The following CAMK2D variants were observed in gnomAD, a reference collection of about 807,000 sequenced individuals.
The protein encoded by CAMK2D is calcium/calmodulin dependent protein kinase II delta.
Under a neutral mutation model 84.0 loss-of-function variants are expected in CAMK2D, and 37 were observed. That is an observed-to-expected ratio of 0.44 (90% CI 0.34 to 0.58). The LOEUF (loss-of-function observed/expected upper bound fraction) is 0.58. CAMK2D is among the 20% of genes least tolerant of loss of function. The pLI, the probability that CAMK2D is intolerant of heterozygous loss-of-function variation, is 0.02. For synonymous variants in CAMK2D, 202 were observed against 212.5 expected (o/e 0.95, Z 0.43); for missense variants, 448 against 652.5 (o/e 0.69, Z 3.41).
chr4:113,708,533 T>C (rs1347155417), intron 2 of CAMK2D, among the ~76,000 whole-genome samples: 1 of 152,186 alleles, frequency 6.6e-6, no homozygotes, highest in Admixed American at 6.5e-5. Flanking sequence ...GATGCTACAG[T>C]AAAATTATTC....
chr4:113,757,849 T>C (rs922704821), intron 2 of CAMK2D, among the ~76,000 whole-genome samples: 5 of 152,044 alleles, frequency 3.3e-5, no homozygotes, highest in Non-Finnish European at 7.4e-5. Flanking sequence ...GTTATTCTGA[T>C]TTAGGGAGGA....
intron 16 of CAMK2D, among the ~76,000 whole-genome samples, chr4:113,492,697 T>C (rs987416777): frequency 2.0e-5 from 3 of 149,662 alleles, no homozygotes; most frequent in Non-Finnish European, 4.4e-5. Context: ...TGGTTATCCT[T>C]GTTGACTTTC....
At chr4:113,751,171 A>AG (rs1370035777) in intron 2 of CAMK2D, among the ~76,000 whole-genome samples, 1 of 152,194 alleles carries the variant, frequency 6.6e-6, no homozygotes, top group African/African-American at 2.4e-5. Flanking sequence ...CCATTCACAG[A>AG]GGGGGAAAGT....
In CAMK2D at chr4:113,661,775, G is replaced by GA; in HGVS notation, c.161-4_161-3insT. 1 of 1,415,188 alleles carries GA rather than the reference G, an allele frequency of 7.1e-7. No individual in the cohort carries two copies. The highest frequency in any genetic ancestry group is 9.6e-7 in the Non-Finnish European group (1 of 1,036,916). The allele number at this position is 1,415,188 out of a possible 1,614,324, so 87.7% of individuals were successfully genotyped here. On this transcript the variant is annotated splice_region_variant and splice_polypyrimidine_tract_variant and intron_variant, in intron 2 of 20. Transcript: ENST00000511664. ...TTCTCTTTCTAGTTTCTGATGATCT[G>GA]TTAAAAAAAAAAACAGAATAAGGCA...
chr4:113,654,394 T>C (rs1361891177), intron 3 of CAMK2D, among the ~76,000 whole-genome samples: 4 of 152,038 alleles, frequency 2.6e-5, no homozygotes, highest in African/African-American at 9.7e-5. Flanking sequence ...TGTGAAACAA[T>C]AAATCATCTT....
intron 16 of CAMK2D, among the ~76,000 whole-genome samples, chr4:113,476,393 A>G (rs1289112878): frequency 6.6e-6 from 1 of 152,052 alleles, no homozygotes; most frequent in African/African-American, 2.4e-5. Context: ...AAATTACGAC[A>G]ACGAGATAAA....
intron 2 of CAMK2D, among the ~76,000 whole-genome samples, chr4:113,713,131 G>A (rs2148482711): frequency 6.6e-6 from 1 of 152,000 alleles, no homozygotes; most frequent in South Asian, 2.1e-4. Flanking sequence ...TTACCCTACT[G>A]AGGAGATGGT....
chr4:113,757,460 TAAACTC>T (rs1208749871), intron 2 of CAMK2D, among the ~76,000 whole-genome samples: 1 of 152,066 alleles, frequency 6.6e-6, no homozygotes, highest in Non-Finnish European at 1.5e-5. Context: ...CAGCAGAAGT[TAAACTC>T]AAGAGCTTCT....
Position 113,514,460 on chromosome 4 carries a change from A to G in CAMK2D, c.820-547T>C, listed in dbSNP as rs572262182. Among the ~76,000 whole-genome samples the G allele has an allele frequency of 3.6e-4, 55 of 152,194 alleles. 2 individuals are homozygous for G. The highest frequency in any genetic ancestry group is 3.1e-3 in the Admixed American group (48 of 15,286). On this transcript the variant is annotated intron_variant, in intron 10 of 20. Coordinates refer to ENST00000511664, the MANE Select transcript of CAMK2D (RefSeq NM_001321571.2). ...AGAAAGTATAGAAATGAATATTAAT[A>G]ATTTCTCAAATTATCTTTATTTTAA...
intron 3 of CAMK2D, among the ~76,000 whole-genome samples, chr4:113,611,428 C>T (rs1249888731): frequency 6.6e-6 from 1 of 152,064 alleles, no homozygotes; most frequent in Non-Finnish European, 1.5e-5. Flanking sequence ...AAGATGGGTT[C>T]CCATGTTATC....
intron 16 of CAMK2D, among the ~76,000 whole-genome samples, chr4:113,477,459 C>A (rs2097643844): frequency 6.6e-6 from 1 of 152,070 alleles, no homozygotes; most frequent in South Asian, 2.1e-4. Context: ...TATTGGGGCC[C>A]AGTTGGCCAG....
chr4:113,557,481 G>C (rs564708634), intron 4 of CAMK2D, among the ~76,000 whole-genome samples: 2 of 152,064 alleles, frequency 1.3e-5, no homozygotes, highest in African/African-American at 2.4e-5. Flanking sequence ...TCTCTCTTCC[G>C]GGAATTCCCA....
intron 3 of CAMK2D, among the ~76,000 whole-genome samples, chr4:113,617,018 C>A (rs1385694196): frequency 1.3e-5 from 2 of 151,882 alleles, no homozygotes; most frequent in Non-Finnish European, 2.9e-5. Context: ...ATCTTCCTTC[C>A]CTCTTTAAAT....
chr4:113,468,785 C>G (rs1003200988), intron 16 of CAMK2D, among the ~76,000 whole-genome samples: 2 of 152,126 alleles, frequency 1.3e-5, no homozygotes, highest in Admixed American at 6.5e-5. Context: ...TGTGATGTGT[C>G]CCTAATTATA....
chr4:113,484,255 A>T (rs1379719051), intron 16 of CAMK2D, among the ~76,000 whole-genome samples: 1 of 152,162 alleles, frequency 6.6e-6, no homozygotes, highest in Non-Finnish European at 1.5e-5. Flanking sequence ...TAATTCCTAA[A>T]GAGCAATTTA....
At chr4:113,692,727 T>TC (rs2099391625) in intron 2 of CAMK2D, among the ~76,000 whole-genome samples, 1 of 152,008 alleles carries the variant, frequency 6.6e-6, no homozygotes, top group African/African-American at 2.4e-5. Context: ...TACATACATA[T>TC]ATTCATACAT....
intron 2 of CAMK2D, among the ~76,000 whole-genome samples, chr4:113,699,132 G>T (rs527365486): frequency 1.3e-5 from 2 of 152,080 alleles, no homozygotes; most frequent in Non-Finnish European, 2.9e-5. Context: ...GCAGCTAAAA[G>T]GGATTGACTG....
At chr4:113,669,022 G>A (rs2099269017) in intron 2 of CAMK2D, among the ~76,000 whole-genome samples, 1 of 152,028 alleles carries the variant, frequency 6.6e-6, no homozygotes, top group African/African-American at 2.4e-5. Flanking sequence ...CCATTCTTAT[G>A]TTGTCCTACA....
chr4:113,457,253 C>A (rs1589625808), intron 19 of CAMK2D, 82 bp downstream of exon 19: 1 of 1,551,184 alleles, frequency 6.4e-7, no homozygotes, highest in Non-Finnish European at 8.7e-7. Flanking sequence ...ATAACATATA[C>A]CATGCTATTA....
Sources: allele counts gnomAD v4.1 joint callset (sites outside exome capture counted in the v4.1 genomes callset), GRCh38; gene constraint gnomAD v4.1.1; transcripts MANE v1.5; gene names NCBI Gene and HGNC (gene_info 2026-07-23, HGNC 2026-07-21).